DMD: variants seen among roughly 807,000 people sequenced by gnomAD.
DMD encodes dystrophin, also known as mutant dystrophin.
A neutral mutation model predicts 330.1 loss-of-function variants in DMD; 63 were observed. The ratio of observed to expected loss-of-function variants is 0.19; its 90% CI spans 0.16 to 0.24. DMD has a LOEUF of 0.24. Among genes scored for constraint, DMD ranks in the 10% least tolerant of loss-of-function variants. The pLI is 1.00. For synonymous variants in DMD, 1,223 were observed against 959.8 expected, an observed-to-expected ratio of 1.27 and a Z score of -5.07; for missense variants, 3,344 against 2,684.1, an observed-to-expected ratio of 1.25 and a Z score of -5.43.
At chrX:32,613,440 C>CA (rs201709548) in intron 12 of DMD, among the ~76,000 whole-genome samples, 51 of 105,506 alleles carry the variant, frequency 4.8e-4, no homozygotes, top group Middle Eastern at 4.8e-3. Context: ...ATAACAGAAA[C>CA]AAAAAAAAAT....
chrX:32,657,083 G>T (rs2060629860), intron 9 of DMD, among the ~76,000 whole-genome samples: 3 of 103,612 alleles, frequency 2.9e-5, no homozygotes, highest in Admixed American at 1.1e-4. Flanking sequence ...TATATCTTTG[G>T]GTATACATTT....
At chrX:31,146,934 A>C (rs1257535239) in intron 75 of DMD, among the ~76,000 whole-genome samples, 1 of 112,307 alleles carries the variant, frequency 8.9e-6, no homozygotes, top group Non-Finnish European at 1.9e-5. Flanking sequence ...GGTATACCAG[A>C]AAATATAACT....
chrX:32,364,821 AGTTTT>A (rs1383866391), intron 35 of DMD, 111 bp from the exon 36 acceptor site: 1 of 880,378 alleles, frequency 1.1e-6, no homozygotes, highest in Non-Finnish European at 1.6e-6. Context: ...CATTGAGATT[AGTTTT>A]AAGTGGTATT....
At position 33,218,605 on chromosome X, in the gene DMD, G is replaced by A. The variant is rs190660130; in HGVS notation, c.7+120654C>T. Among the ~76,000 whole-genome samples the A allele has an allele frequency of 1.2e-3, 136 of 110,972 alleles. 1 individual carries two copies. Among genetic ancestry groups the A allele is most frequent in the African/African-American group, 4.2e-3 (130 of 30,612 alleles). ...TGCGTCTAAGCATGAGTTTCTTTGG[G>A]TTTATCCTGTATACTCAGCTCCTTG... On this transcript the variant is annotated intron_variant, in intron 1 of 17. Transcript: ENST00000288447.
At chrX:31,679,051 C>T (rs5927803) in intron 53 of DMD, among the ~76,000 whole-genome samples, 48,526 of 108,285 alleles carry the variant, frequency 0.45, 8,739 homozygotes, top group African/African-American at 0.61. Context: ...CTACAGAAAA[C>T]AAAAATTTTT....
intron 2 of DMD, among the ~76,000 whole-genome samples, chrX:32,899,702 AAAAG>A (rs1481699950): frequency 9.0e-6 from 1 of 110,661 alleles, no homozygotes; most frequent in Admixed American, 9.7e-5. Context: ...AAGAAAAAGA[AAAAG>A]AAAGAAAGAA....
At chrX:32,700,015 G>A (rs1025401355) in intron 7 of DMD, among the ~76,000 whole-genome samples, 11 of 111,550 alleles carry the variant, frequency 9.9e-5, no homozygotes, top group Admixed American at 8.6e-4. Context: ...TGAATGAAAC[G>A]CAGCATTTAA....
At chrX:32,062,427 T>A (rs994644679) in intron 44 of DMD, among the ~76,000 whole-genome samples, 27 of 110,751 alleles carry the variant, frequency 2.4e-4, no homozygotes, top group Non-Finnish European at 1.9e-4. Context: ...CATTTCTATT[T>A]TAAAAGGAAA....
chrX:31,433,676 C>T (rs1276458975), intron 60 of DMD, among the ~76,000 whole-genome samples: 1 of 110,527 alleles, frequency 9.0e-6, no homozygotes, highest in Non-Finnish European at 1.9e-5. Context: ...CCAGGCTGGT[C>T]TCGAACTCCT....
intron 41 of DMD, among the ~76,000 whole-genome samples, chrX:32,322,790 A>C: frequency 9.0e-6 from 1 of 111,498 alleles, no homozygotes; most frequent in East Asian, 2.8e-4. Context: ...CAAGAAAACA[A>C]TGGAAACTGG....
At chrX:32,465,319 G>A (rs906274479) in intron 23 of DMD, among the ~76,000 whole-genome samples, 1 of 110,577 alleles carries the variant, frequency 9.0e-6, no homozygotes, top group East Asian at 2.8e-4. Context: ...CTTTTTTTCT[G>A]CTGTTTTGCC....
At chrX:31,584,396 A>G (rs2076488212) in intron 55 of DMD, among the ~76,000 whole-genome samples, 1 of 111,281 alleles carries the variant, frequency 9.0e-6, no homozygotes, top group Admixed American at 9.6e-5. Context: ...GCTGAGGATA[A>G]TGGCTTCCAG....
chrX:32,224,816 A>C (rs1021936240), intron 43 of DMD, among the ~76,000 whole-genome samples: 11 of 111,812 alleles, frequency 9.8e-5, no homozygotes, highest in Admixed American at 5.7e-4. Context: ...AGTTTCTCAC[A>C]GTGTTTATAA....
chrX:32,593,104 C>A (rs914635062), intron 13 of DMD, among the ~76,000 whole-genome samples: 3 of 112,881 alleles, frequency 2.7e-5, no homozygotes, highest in African/African-American at 9.7e-5. Flanking sequence ...CACAGCCTGC[C>A]AGGCTGAGTG....
At chrX:32,342,580 G>C (rs2097749260) in intron 40 of DMD, 1 of 321,924 alleles carries the variant, frequency 3.1e-6, no homozygotes, top group African/African-American at 2.6e-5. Flanking sequence ...AATTTGGAGT[G>C]ATAACTCATT....
At chrX:32,548,633 G>T (rs1181155267) in intron 16 of DMD, among the ~76,000 whole-genome samples, 1 of 111,760 alleles carries the variant, frequency 8.9e-6, no homozygotes, top group African/African-American at 3.2e-5. Flanking sequence ...GACAGAGAAA[G>T]TAGAGAAAAT....
At chrX:31,143,696 T>C (rs2036352137) in intron 76 of DMD, among the ~76,000 whole-genome samples, 1 of 111,905 alleles carries the variant, frequency 8.9e-6, no homozygotes, top group Non-Finnish European at 1.9e-5. Flanking sequence ...GACCACATCC[T>C]AATGTGCACT....
rs1231855996 is a variant in DMD, at chrX:32,491,565, G to A, written c.2381-47C>T. On this transcript the variant is annotated intron_variant, in intron 19 of 78. Transcript: ENST00000357033. The stretch of plus-strand genomic sequence containing the variant: ...AATATATCCCCTGAACCCACAGACT[G>A]AAAGAAATGATCTGAAAGCCAACAC... 6 of 1,147,977 alleles carry A rather than the reference G, an allele frequency of 5.2e-6. No homozygotes were observed. The African/African-American group carries it at 1.1e-4, about 21-fold the overall frequency. 94.6% of individuals were successfully genotyped at this position (1,147,977 alleles called of 1,213,427 possible).
intron 60 of DMD, among the ~76,000 whole-genome samples, chrX:31,402,518 G>A (rs898115453): frequency 8.9e-6 from 1 of 111,939 alleles, no homozygotes; most frequent in African/African-American, 3.2e-5. Flanking sequence ...AGTACAAAAC[G>A]AGGGTGTTGA....
Sources: allele counts gnomAD v4.1 joint callset (sites outside exome capture counted in the v4.1 genomes callset), GRCh38; gene constraint gnomAD v4.1.1; transcripts MANE v1.5; gene names NCBI Gene and HGNC (gene_info 2026-07-23, HGNC 2026-07-21).